FSTL5: variants seen among roughly 807,000 people sequenced by gnomAD.
FSTL5 encodes follistatin-related protein 5.
FSTL5 carries 62 observed loss-of-function variants against 89.1 expected under a neutral mutation model. The ratio of observed to expected loss-of-function variants is 0.70; its 90% CI spans 0.57 to 0.86. The LOEUF (loss-of-function observed/expected upper bound fraction) is 0.86. FSTL5 is among the 40% of genes least tolerant of loss of function. FSTL5 has a pLI of 0.00. For synonymous variants in FSTL5, 383 were observed against 346.2 expected (o/e 1.11, Z -1.18); for missense variants, 1,057 against 1,001.6 (o/e 1.06, Z -0.75).
chr4:161,826,631 A>G (rs1280488902), intron 4 of FSTL5, among the ~76,000 whole-genome samples: 1 of 152,172 alleles, frequency 6.6e-6, no homozygotes, highest in Non-Finnish European at 1.5e-5. Flanking sequence ...AAGTCCTTTT[A>G]TCATTATGTA....
chr4:161,960,414 G>A (rs1054926938), intron 3 of FSTL5, among the ~76,000 whole-genome samples: 2 of 151,732 alleles, frequency 1.3e-5, no homozygotes, highest in African/African-American at 4.8e-5. Flanking sequence ...GACCTCAGAT[G>A]ATCTGCCTGC....
intron 15 of FSTL5, among the ~76,000 whole-genome samples, chr4:161,419,092 T>C (rs1731890794): frequency 6.6e-6 from 1 of 152,190 alleles, no homozygotes; most frequent in Admixed American, 6.5e-5. Flanking sequence ...CTATTTCATG[T>C]AGAGCTTCCA....
At chr4:161,609,632 T>TA in intron 7 of FSTL5, among the ~76,000 whole-genome samples, 1 of 152,198 alleles carries the variant, frequency 6.6e-6, no homozygotes, top group East Asian at 1.9e-4. Context: ...TTTTTTTTTT[T>TA]ACTTTTAAGC....
At chr4:161,422,831 G>A (rs534013181) in intron 15 of FSTL5, among the ~76,000 whole-genome samples, 40 of 152,018 alleles carry the variant, frequency 2.6e-4, no homozygotes, top group Admixed American at 1.1e-3. Context: ...CGTTGCTTTG[G>A]AATGGGCCTA....
At chr4:161,406,540 T>C (rs1295716771) in intron 15 of FSTL5, among the ~76,000 whole-genome samples, 1 of 152,160 alleles carries the variant, frequency 6.6e-6, no homozygotes. Flanking sequence ...GGTTAGTTTA[T>C]GGTGTCATTC....
At chr4:162,121,626 T>C (rs1241649880) in intron 1 of FSTL5, among the ~76,000 whole-genome samples, 1 of 152,028 alleles carries the variant, frequency 6.6e-6, no homozygotes, top group Non-Finnish European at 1.5e-5. Flanking sequence ...TGTCCTAATA[T>C]GGCCAAAATA....
intron 13 of FSTL5, among the ~76,000 whole-genome samples, chr4:161,471,310 G>A (rs577433961): frequency 1.3e-5 from 2 of 152,242 alleles, no homozygotes; most frequent in African/African-American, 4.8e-5. Flanking sequence ...AATTGAGATG[G>A]TCATGTAATT....
At chr4:161,854,812 A>G (rs1731671887) in intron 4 of FSTL5, among the ~76,000 whole-genome samples, 1 of 152,060 alleles carries the variant, frequency 6.6e-6, no homozygotes, top group Non-Finnish European at 1.5e-5. Flanking sequence ...TTTACTTTTT[A>G]AGGTTAAACT....
At chr4:161,871,086 T>G (rs1222135395) in intron 4 of FSTL5, among the ~76,000 whole-genome samples, 3 of 152,138 alleles carry the variant, frequency 2.0e-5, no homozygotes, top group African/African-American at 7.2e-5. Context: ...ATTATATGAA[T>G]ATCTGATCAG....
intron 15 of FSTL5, among the ~76,000 whole-genome samples, chr4:161,451,754 G>A (rs1306348212): frequency 6.6e-6 from 1 of 152,172 alleles, no homozygotes; most frequent in African/African-American, 2.4e-5. Context: ...ATGTGTTGGA[G>A]GCTGAGAAAT....
intron 4 of FSTL5, among the ~76,000 whole-genome samples, chr4:161,799,618 A>T (rs2126827897): frequency 6.6e-6 from 1 of 151,860 alleles, no homozygotes; most frequent in South Asian, 2.1e-4. Flanking sequence ...ATGGGAAAGC[A>T]AGATCTAATG....
chr4:161,483,498 C>G (rs1477232722), intron 12 of FSTL5, among the ~76,000 whole-genome samples: 3 of 152,198 alleles, frequency 2.0e-5, no homozygotes, highest in East Asian at 3.8e-4. Context: ...AAATTATTTT[C>G]TGTTTGGATG....
At chr4:161,551,583 C>G (rs1357023890) in intron 8 of FSTL5, among the ~76,000 whole-genome samples, 1 of 151,940 alleles carries the variant, frequency 6.6e-6, no homozygotes, top group African/African-American at 2.4e-5. Flanking sequence ...TGACTTCAAA[C>G]TATACTACAA....
intron 1 of FSTL5, among the ~76,000 whole-genome samples, chr4:162,148,167 T>C (rs900100215): frequency 6.6e-6 from 1 of 152,146 alleles, no homozygotes; most frequent in African/African-American, 2.4e-5. Flanking sequence ...CTCCAACTAA[T>C]AAATAAATAT....
intron 3 of FSTL5, among the ~76,000 whole-genome samples, chr4:161,933,245 C>G (rs1278931565): frequency 1.3e-5 from 2 of 152,058 alleles, no homozygotes; most frequent in Non-Finnish European, 2.9e-5. Flanking sequence ...GCCTTTCAGA[C>G]AGCACAGCCA....
At chr4:161,580,085 T>A (rs1733381388) in intron 8 of FSTL5, among the ~76,000 whole-genome samples, 2 of 152,192 alleles carry the variant, frequency 1.3e-5, no homozygotes, top group African/African-American at 2.4e-5. Context: ...CATTTATATA[T>A]TAATTTTTGA....
chr4:161,399,614 T>C (rs1348744892), intron 15 of FSTL5, among the ~76,000 whole-genome samples: 1 of 152,094 alleles, frequency 6.6e-6, no homozygotes, highest in African/African-American at 2.4e-5. Context: ...TCCACATCAC[T>C]TAGTGGTACT....
chr4:161,872,962 CTG>C (rs1732323351), intron 4 of FSTL5, among the ~76,000 whole-genome samples: 1 of 152,144 alleles, frequency 6.6e-6, no homozygotes, highest in Non-Finnish European at 1.5e-5. Flanking sequence ...TTTGAACACA[CTG>C]TGCTTGAAAC....
intron 7 of FSTL5, among the ~76,000 whole-genome samples, chr4:161,588,866 T>A (rs538744746): frequency 6.6e-6 from 1 of 152,272 alleles, no homozygotes; most frequent in African/African-American, 2.4e-5. Flanking sequence ...CTCCAAGACC[T>A]TATCCTGAGA....
Sources: gnomAD v4.1 joint callset for allele counts (sites outside exome capture counted in the v4.1 genomes callset) on GRCh38, gnomAD v4.1.1 for gene constraint, MANE v1.5 for transcripts, NCBI Gene and HGNC (gene_info 2026-07-23, HGNC 2026-07-21) for gene names.